The following OLA1 variants were observed in gnomAD, a reference collection of about 807,000 sequenced individuals.
The protein encoded by OLA1 is obg-like ATPase 1.
A neutral mutation model predicts 48.4 loss-of-function variants in OLA1; 14 were observed. The ratio of observed to expected loss-of-function variants is 0.29; its 90% CI spans 0.19 to 0.45. The LOEUF (loss-of-function observed/expected upper bound fraction) is 0.45. Ranked by LOEUF, OLA1 falls within the 20% of genes least tolerant of loss-of-function variation. OLA1 has a pLI of 1.00. For missense variants in OLA1, 325 were observed against 467.1 expected (o/e 0.70, Z 2.80); for synonymous variants, 127 against 150.4 (o/e 0.84, Z 1.14).
intron 4 of OLA1, among the ~76,000 whole-genome samples, chr2:174,162,250 T>C (rs34784340): frequency 0.28 from 42,609 of 152,002 alleles, 6,562 homozygotes; most frequent in Non-Finnish European, 0.35. Flanking sequence ...ATGAAGAGTA[T>C]TGAGTACCAG....
chr2:174,078,806 A>G (rs1684802078), intron 10 of OLA1, among the ~76,000 whole-genome samples, 162 bp downstream of exon 10: 1 of 151,990 alleles, frequency 6.6e-6, no homozygotes, highest in South Asian at 2.1e-4. Context: ...GTAAACATCT[A>G]TAGCTCTTAA....
chr2:174,205,382 T>C (rs559680754), intron 4 of OLA1, among the ~76,000 whole-genome samples: 37 of 152,194 alleles, frequency 2.4e-4, no homozygotes, highest in African/African-American at 7.7e-4. Context: ...TACTTGAACA[T>C]TGAGTTAATT....
intron 4 of OLA1, among the ~76,000 whole-genome samples, chr2:174,211,771 A>G (rs932590413): frequency 1.3e-5 from 2 of 152,204 alleles, no homozygotes; most frequent in Non-Finnish European, 1.5e-5. Context: ...AAATAGCCAC[A>G]AGATATTAAG....
rs1016831835 is a variant in OLA1 at position 174,074,703 on chromosome 2, G to A, written c.*723C>T. ...TAACAAACAAAATTCTTTAATTTTTGAGACAGAATTTTCTTCTTTGTGGTC... is the reference window on the plus strand; with the variant it reads ...TAACAAACAAAATTCTTTAATTTTTAAGACAGAATTTTCTTCTTTGTGGTC... On this transcript the variant is annotated 3_prime_UTR_variant, in exon 11 of 11. Coordinates refer to ENST00000284719, the MANE Select transcript of OLA1 (RefSeq NM_013341.5). 1.1e-4 allele frequency: 17 copies of A among 151,194 alleles called. 1 individual carries two copies. The highest frequency in any genetic ancestry group is 9.3e-4 in the Admixed American group (14 of 15,132). 9.4% of individuals were successfully genotyped at this position (151,194 alleles called of 1,614,324 possible).
At chr2:174,143,657 T>C (rs1032914685) in intron 4 of OLA1, among the ~76,000 whole-genome samples, 4 of 152,142 alleles carry the variant, frequency 2.6e-5, no homozygotes, top group Non-Finnish European at 5.9e-5. Flanking sequence ...AACCCCCAAT[T>C]TTAACCAAGT....
intron 4 of OLA1, among the ~76,000 whole-genome samples, chr2:174,161,903 G>C (rs1407759018): frequency 6.6e-6 from 1 of 152,100 alleles, no homozygotes; most frequent in Non-Finnish European, 1.5e-5. Context: ...GCGTATTTTA[G>C]GTATCTAGGG....
At chr2:174,103,041 A>T (rs1298465124) in intron 7 of OLA1, among the ~76,000 whole-genome samples, 1 of 152,178 alleles carries the variant, frequency 6.6e-6, no homozygotes, top group Non-Finnish European at 1.5e-5. Flanking sequence ...CAGGGTCAAA[A>T]TATGCTGTTG....
At chr2:174,174,434 C>T (rs537257752) in intron 4 of OLA1, among the ~76,000 whole-genome samples, 1 of 151,908 alleles carries the variant, frequency 6.6e-6, no homozygotes, top group African/African-American at 2.4e-5. Context: ...CCAGATCATT[C>T]CAATAGATAA....
chr2:174,100,067 T>C (rs1416353182), intron 7 of OLA1, among the ~76,000 whole-genome samples: 1 of 152,250 alleles, frequency 6.6e-6, no homozygotes, highest in South Asian at 2.1e-4. Flanking sequence ...AAGTGTTTAA[T>C]GTATCTTATT....
intron 7 of OLA1, among the ~76,000 whole-genome samples, chr2:174,096,269 G>A (rs1303343780): frequency 6.6e-6 from 1 of 152,160 alleles, no homozygotes; most frequent in African/African-American, 2.4e-5. Flanking sequence ...CAGGGATTAG[G>A]TTGGAGAGGC....
intron 4 of OLA1, among the ~76,000 whole-genome samples, chr2:174,209,934 T>C (rs1313013339): frequency 6.6e-6 from 1 of 152,162 alleles, no homozygotes; most frequent in Non-Finnish European, 1.5e-5. Flanking sequence ...TAAGGAACTA[T>C]TAACCAATGA....
At chr2:174,212,361 C>A (rs1227444315) in intron 4 of OLA1, among the ~76,000 whole-genome samples, 2 of 152,182 alleles carry the variant, frequency 1.3e-5, no homozygotes, top group Non-Finnish European at 2.9e-5. Context: ...CTGTATAGGG[C>A]ACTTGCCATG....
At position 174,226,130 on chromosome 2, in the gene OLA1, C is replaced by T. The variant is rs752707772; in HGVS notation, c.246-2970G>A. 1.9e-3 allele frequency among the ~76,000 whole-genome samples: 75 copies of T among 40,328 alleles called. 17 individuals carry two copies. Among genetic ancestry groups the T allele is most frequent in the South Asian group, 0.011 (5 of 468 alleles). 26.5% of individuals were successfully genotyped at this position (40,328 alleles called of 152,430 possible). A position where few individuals can be genotyped will look rare whatever the true frequency, so the allele number is the denominator to read the frequency against. On this transcript the variant is annotated intron_variant, in intron 3 of 10. Coordinates refer to ENST00000284719, the MANE Select transcript of OLA1 (RefSeq NM_013341.5). ...AGGAGAATGGCGTGAACCCGGGAGG[C>T]GGAGCTTGCAGTGAGCCGAGATCCC...
intron 1 of OLA1, chr2:174,247,747 C>A: frequency 6.4e-7 from 1 of 1,551,074 alleles, no homozygotes; most frequent in Non-Finnish European, 8.7e-7. Context: ...CATAAGCAAC[C>A]TCCAAAATCT....
chr2:174,180,613 A>G (rs1687511033), intron 4 of OLA1, among the ~76,000 whole-genome samples: 1 of 152,226 alleles, frequency 6.6e-6, no homozygotes, highest in African/African-American at 2.4e-5. Context: ...TGCTGCTTCA[A>G]TGACATTCTA....
chr2:174,173,331 C>CT (rs34844907), intron 4 of OLA1, among the ~76,000 whole-genome samples: 80,672 of 151,752 alleles, frequency 0.53, 22,001 homozygotes, highest in East Asian at 0.94. Flanking sequence ...TAAGTACTTG[C>CT]TTTCGTCGAA....
intron 2 of OLA1, among the ~76,000 whole-genome samples, chr2:174,231,622 C>T (rs905524722): frequency 7.9e-5 from 12 of 152,016 alleles, no homozygotes; most frequent in African/African-American, 2.9e-4. Context: ...AAAGAAAATT[C>T]CTTAGGCAGA....
chr2:174,094,747 T>C (rs1460172314), intron 7 of OLA1, among the ~76,000 whole-genome samples: 1 of 152,216 alleles, frequency 6.6e-6, no homozygotes, highest in African/African-American at 2.4e-5. Context: ...TACATTGTTG[T>C]GCAACGGCTC....
Position 174,099,738 on chromosome 2 carries a change from ATTC to A in OLA1, c.729-17677_729-17675del, listed in dbSNP as rs1198384231. ...ATTTTATTAATGACATATAATAAAT[ATTC>A]TTGAGTGGTTTCTCATACTTTAAGA... is the stretch of plus-strand genomic sequence containing the variant. On this transcript the variant is annotated intron_variant, in intron 7 of 10. Coordinates refer to ENST00000284719, the MANE Select transcript of OLA1 (RefSeq NM_013341.5). Among the ~76,000 whole-genome samples the A allele has an allele frequency of 5.3e-5, 8 of 152,364 alleles. No individual in the cohort carries two copies. In the South Asian group the frequency reaches 8.3e-4, roughly 16 times the overall value.
Sources: allele counts gnomAD v4.1 joint callset (sites outside exome capture counted in the v4.1 genomes callset), GRCh38; gene constraint gnomAD v4.1.1; transcripts MANE v1.5; gene names NCBI Gene and HGNC (gene_info 2026-07-23, HGNC 2026-07-21).